GLRX3: variants seen among roughly 807,000 people sequenced by gnomAD.
The protein encoded by GLRX3 is glutaredoxin 3.
GLRX3 carries 22 observed loss-of-function variants against 49.5 expected under a neutral mutation model. The ratio of observed to expected loss-of-function variants is 0.44; its 90% CI spans 0.32 to 0.63. The LOEUF is 0.63. Ranked by LOEUF, GLRX3 falls within the 30% of genes least tolerant of loss-of-function variation. The probability of loss-of-function intolerance (pLI) is 0.05; values close to 1 mark genes in which losing one functional copy is unlikely to be tolerated. For missense variants in GLRX3, 385 were observed against 396.3 expected, an observed-to-expected ratio of 0.97 and a Z score of 0.24; for synonymous variants, 133 against 140.0, an observed-to-expected ratio of 0.95 and a Z score of 0.35.
At chr10:130,140,932 A>G (rs1303993452) in intron 1 of GLRX3, among the ~76,000 whole-genome samples, 1 of 152,194 alleles carries the variant, frequency 6.6e-6, no homozygotes, top group Non-Finnish European at 1.5e-5. Context: ...CTTCCTTAGG[A>G]TTGATACTTA....
intron 6 of GLRX3, among the ~76,000 whole-genome samples, chr10:130,167,318 C>G (rs1045266786): frequency 6.6e-6 from 1 of 152,184 alleles, no homozygotes; most frequent in East Asian, 1.9e-4. Context: ...TCAGCACACT[C>G]GTGTTTTACT....
rs889431164 is a variant in GLRX3 at position 130,171,497 on chromosome 10, C to G, written c.772-87C>G. 15 of 799,002 alleles carry G rather than the reference C, an allele frequency of 1.9e-5. No homozygotes were observed. The African/African-American group carries it at 2.2e-4, about 12-fold the overall frequency. 49.5% of individuals were successfully genotyped at this position (799,002 alleles called of 1,614,324 possible). A position where few individuals can be genotyped will look rare whatever the true frequency, so the allele number is the denominator to read the frequency against. The stretch of plus-strand genomic sequence containing the variant: ...TAGTGGCAGCTATGCTGGACAAGTG[C>G]TGTGCTGGTTGACAAGAGTATTAGG... On this transcript the variant is annotated intron_variant, in intron 7 of 10. Transcript: ENST00000331244.
intron 4 of GLRX3, among the ~76,000 whole-genome samples, chr10:130,162,360 G>T (rs1404490630): frequency 1.3e-5 from 2 of 152,312 alleles, no homozygotes; most frequent in African/African-American, 4.8e-5. Context: ...TGCTATTTGT[G>T]TATTGCAAAG....
chr10:130,145,405 G>C, intron 2 of GLRX3, 86 bp downstream of exon 2: 1 of 665,890 alleles, frequency 1.5e-6, no homozygotes, highest in South Asian at 1.7e-5. Flanking sequence ...GCTCACACCT[G>C]TAATCCCAGC....
chr10:130,149,450 AAAAC>A (rs1862330682), intron 2 of GLRX3, among the ~76,000 whole-genome samples: 1 of 151,958 alleles, frequency 6.6e-6, no homozygotes, highest in South Asian at 2.1e-4. Context: ...TCAAAAAAAA[AAAAC>A]AAAACAGGAA....
At chr10:130,159,055 C>G (rs1281959088) in intron 2 of GLRX3, among the ~76,000 whole-genome samples, 1 of 152,060 alleles carries the variant, frequency 6.6e-6, no homozygotes, top group Non-Finnish European at 1.5e-5. Context: ...CAGTGGAAAT[C>G]TTTTACTCTT....
intron 4 of GLRX3, among the ~76,000 whole-genome samples, chr10:130,164,557 C>T (rs1274004070): frequency 6.6e-6 from 1 of 152,058 alleles, no homozygotes; most frequent in Non-Finnish European, 1.5e-5. Context: ...GTAGAAATGA[C>T]TGGGGGTGGA....
intron 4 of GLRX3, among the ~76,000 whole-genome samples, chr10:130,163,286 A>G (rs1862611769): frequency 6.6e-6 from 1 of 152,062 alleles, no homozygotes. Context: ...TTAGCTGGGC[A>G]TGGTGGAGTC....
intron 2 of GLRX3, among the ~76,000 whole-genome samples, chr10:130,150,172 G>A (rs1404257486): frequency 6.6e-5 from 10 of 150,666 alleles, no homozygotes; most frequent in South Asian, 2.1e-4. Context: ...CCCAGGAGGC[G>A]GAGGTTGCAG....
rs752136542 is a variant in GLRX3, at chr10:130,174,925, G to GT, written c.864+22dup. 1.6e-5 allele frequency: 25 copies of GT among 1,590,604 alleles called. No homozygotes were observed. In the African/African-American group the frequency reaches 3.2e-4, roughly 21 times the overall value. ...TGAAGAAGTAAGTTCTGTGTTTGAT[G>GT]TTTCACCCTTGTCTTAGCTTTAATC... On this transcript the variant is annotated intron_variant, in intron 9 of 10. Transcript: ENST00000331244.
At chr10:130,161,060 T>A (rs1862568353) in intron 4 of GLRX3, 63 bp downstream of exon 4, 1 of 1,079,424 alleles carries the variant, frequency 9.3e-7, no homozygotes, top group East Asian at 2.4e-5. Flanking sequence ...GGGGTATGGT[T>A]GAGATGGGCA....
intron 7 of GLRX3, 65 bp downstream of exon 7, chr10:130,169,555 C>G: frequency 9.8e-7 from 1 of 1,017,220 alleles, no homozygotes; most frequent in South Asian, 1.3e-5. Flanking sequence ...AACAAGGGGA[C>G]AGTTAAATCT....
chr10:130,174,885 C>G lies in GLRX3; in HGVS notation c.843C>G (p.Phe281Leu), dbSNP rs146055832. 1.9e-6 allele frequency: 3 copies of G among 1,595,968 alleles called. No homozygotes were observed. Among genetic ancestry groups the G allele is most frequent in the Non-Finnish European group, 2.6e-6 (3 of 1,163,686 alleles). ...TTTGCAGTGTTGAATATGAAACATT[C>G]GATATATTGGAGGATGAAGAAGTAA... is the stretch of plus-strand genomic sequence containing the variant. Reference protein sequence around the residue: ...LNSTGVEYETFDILEDEEVRQ... With the variant: ...LNSTGVEYETLDILEDEEVRQ... The change falls in exon 9 of 11, where the codon TTC becomes TTG. Residue 281 changes from phenylalanine to leucine, a missense_variant. Physicochemically the swap from Phe to Leu is conservative, Grantham distance 22. Coordinates refer to ENST00000331244, the MANE Select transcript of GLRX3 (RefSeq NM_006541.5).
intron 5 of GLRX3, 47 bp from the exon 6 acceptor site, chr10:130,166,872 T>C: frequency 8.3e-7 from 1 of 1,209,660 alleles, no homozygotes; most frequent in Non-Finnish European, 1.2e-6. Flanking sequence ...AGGAGATTTA[T>C]GTTATAATAA....
intron 10 of GLRX3, among the ~76,000 whole-genome samples, chr10:130,178,266 G>A (rs374193323): frequency 6.6e-6 from 1 of 150,846 alleles, no homozygotes; most frequent in Admixed American, 6.6e-5. Context: ...CCTTTTTTTC[G>A]AGACAGAGTC....
intron 2 of GLRX3, among the ~76,000 whole-genome samples, chr10:130,158,101 C>T (rs915190438): frequency 3.9e-5 from 6 of 152,076 alleles, no homozygotes; most frequent in African/African-American, 1.4e-4. Flanking sequence ...TGAGTGGAGG[C>T]AGTTGTGGTA....
rs57482969 is a variant in GLRX3 at position 130,148,433 on chromosome 10, C to CTTTTTTTTTT, written c.201+3132_201+3141dup. On this transcript the variant is annotated intron_variant, in intron 2 of 10. Transcript: ENST00000331244. ...GATGTGAGCCACTTTGCCCTTCAGTCTTTTTTTTTTTTTTTTTTTTTTTTT... is the reference window on the plus strand; with the variant it reads ...GATGTGAGCCACTTTGCCCTTCAGTCTTTTTTTTTTTTTTTTTTTTTTTTTTTTTTTTTTT... 4.3e-4 allele frequency among the ~76,000 whole-genome samples: 30 copies of CTTTTTTTTTT among 70,574 alleles called. 3 individuals carry two copies. The highest frequency in any genetic ancestry group is 7.0e-4 in the East Asian group (1 of 1,420). The allele number at this position is 70,574 out of a possible 152,430, so 46.3% of individuals were successfully genotyped here. A position where few individuals can be genotyped will look rare whatever the true frequency, so the allele number is the denominator to read the frequency against.
chr10:130,172,099 A>G (rs1220508622), intron 8 of GLRX3, among the ~76,000 whole-genome samples: 3 of 152,202 alleles, frequency 2.0e-5, no homozygotes, highest in Non-Finnish European at 4.4e-5. Flanking sequence ...AACTTAGATC[A>G]AAATAGTATT....
At position 130,169,468 on chromosome 10, in the gene GLRX3, T is replaced by TTTATTC. The variant is rs1862761268; in HGVS notation, c.749_750insTTATTC (p.Leu250_Phe251insTyrSer). The TTTATTC allele has an allele frequency of 1.2e-6, 2 of 1,611,196 alleles. No individual in the cohort carries two copies. The highest frequency in any genetic ancestry group is 1.7e-6 in the Non-Finnish European group (2 of 1,177,286). ...CTGACAAATAAAGCTTCTGTGATGCTCTTTATGAAAGGAAACAAACAGGTA... is the reference window on the plus strand; with the variant it reads ...CTGACAAATAAAGCTTCTGTGATGCTTTATTCCTTTATGAAAGGAAACAAACAGGTA... On this transcript the variant is annotated inframe_insertion, in exon 7 of 11. Coordinates refer to ENST00000331244, the MANE Select transcript of GLRX3 (RefSeq NM_006541.5).
Sources: gnomAD v4.1 joint callset for allele counts (sites outside exome capture counted in the v4.1 genomes callset) on GRCh38, gnomAD v4.1.1 for gene constraint, MANE v1.5 for transcripts, NCBI Gene and HGNC (gene_info 2026-07-23, HGNC 2026-07-21) for gene names.